The following SRRM2 variants were observed in gnomAD, a reference collection of about 807,000 sequenced individuals.
SRRM2 encodes the protein serine/arginine repetitive matrix 2, also known as serine/arginine repetitive matrix protein 2.
A neutral mutation model predicts 213.8 loss-of-function variants in SRRM2; 30 were observed. The observed-to-expected ratio is 0.14, with a 90% CI of 0.10 to 0.19. The LOEUF is 0.19. Among genes scored for constraint, SRRM2 ranks in the 10% least tolerant of loss-of-function variants. The probability of loss-of-function intolerance (pLI) is 1.00; values close to 1 mark genes in which losing one functional copy is unlikely to be tolerated. For synonymous variants in SRRM2, 2,025 were observed against 1,377.7 expected (o/e 1.47, Z -10.40); for missense variants, 4,904 against 3,647.0 (o/e 1.34, Z -8.88).
chr16:2,766,444 CAGA>C lies in SRRM2; in HGVS notation c.5918_5920del (p.Arg1973del). 6.2e-7 allele frequency: 1 copy of C among 1,613,954 alleles called. No individual in the cohort carries two copies. Among genetic ancestry groups the C allele is most frequent in the Non-Finnish European group, 8.5e-7 (1 of 1,179,980 alleles). ...CAGTAACCAGGAGGCGATCTCGAAG[CAGA>C]ACTTCGCCTATCACTCGCAGAAGAT... On this transcript the variant is annotated inframe_deletion, in exon 11 of 15. Transcript: ENST00000301740. The surrounding 1 kb of genome is among the most constrained non-coding windows in gnomAD (Gnocchi z 7.0).
chr16:2,771,008 TCC>T lies in SRRM2; in HGVS notation c.*144_*145del. On this transcript the variant is annotated 3_prime_UTR_variant, in exon 15 of 15. Transcript: ENST00000301740. ...CCTTGGATGGAGGGCTCCCTTTCCC[TCC>T]CCTTTTTTTTTTCTTTGTTCCTGTG... The T allele has an allele frequency of 1.4e-6, 1 of 734,214 alleles. No homozygotes were observed. Among genetic ancestry groups the T allele is most frequent in the Non-Finnish European group, 1.9e-6 (1 of 514,636 alleles). 45.5% of individuals were successfully genotyped at this position (734,214 alleles called of 1,614,324 possible).
rs1435333930 is a variant in SRRM2 at position 2,764,098 on chromosome 16, T to G, written c.3570T>G (p.Phe1190Leu). ...PPRQKDKFSP[F>L]PVQDRPESSL... ...GACAGAAAGACAAATTTAGTCCCTT[T>G]CCAGTACAGGATAGGCCTGAGTCTT... Residue 1190 changes from phenylalanine (F) to leucine (L), a missense_variant, in exon 11 of 15, where the codon TTT becomes TTG. Physicochemically the swap from Phe to Leu is conservative, Grantham distance 22 (BLOSUM62 0). Transcript: ENST00000301740. The G allele has an allele frequency of 1.2e-6, 2 of 1,614,136 alleles. No homozygotes were observed. Among genetic ancestry groups the G allele is most frequent in the Non-Finnish European group, 1.7e-6 (2 of 1,180,034 alleles).
chr16:2,762,065 T>G lies in SRRM2; in HGVS notation c.1537T>G (p.Trp513Gly). The G allele has an allele frequency of 6.2e-7, 1 of 1,614,190 alleles. No homozygotes were observed. Among genetic ancestry groups the G allele is most frequent in the Non-Finnish European group, 8.5e-7 (1 of 1,180,028 alleles). The change falls in exon 11 of 15, where the codon TGG (tryptophan) becomes GGG (glycine). Residue 513 changes from tryptophan to glycine, a missense_variant. Coordinates refer to ENST00000301740, the MANE Select transcript of SRRM2 (RefSeq NM_016333.4). ...TCATTCTCGATCCCGATCTCCCCAG[T>G]GGCGTAGGTCCAGGTCTGCACAGAG... ...RGHSRSRSPQ[W>G]RRSRSAQRWG...
intron 12 of SRRM2, 118 bp downstream of exon 12, chr16:2,769,402 G>A (rs752620879): frequency 3.4e-6 from 4 of 1,192,358 alleles, no homozygotes; most frequent in Non-Finnish European, 4.7e-6. Context: ...ATCTGGTTGT[G>A]GGGGAGGAGG....
At position 2,762,356 on chromosome 16, in the gene SRRM2, G is replaced by T. The variant is rs780723084; in HGVS notation, c.1828G>T (p.Ala610Ser). Residue 610 changes from alanine to serine, a missense_variant, in exon 11 of 15, where the codon GCC becomes TCC. Transcript: ENST00000301740. Reference sequence around the variant, plus strand: ...GCGTAGGTCTCGGTCTAGAACACCAGCCCGGAGGGGCAGGTCTCGGTCTAG... The same window carrying T: ...GCGTAGGTCTCGGTCTAGAACACCATCCCGGAGGGGCAGGTCTCGGTCTAG... ...TRRRSRSRTP[A>S]RRGRSRSRTP... The T allele has an allele frequency of 2.9e-5, 46 of 1,611,698 alleles. No homozygotes were observed. Among genetic ancestry groups the T allele is most frequent in the Non-Finnish European group, 3.6e-5 (43 of 1,179,098 alleles).
chr16:2,763,955 T>A lies in SRRM2; in HGVS notation c.3427T>A (p.Ser1143Thr). 1.2e-6 allele frequency: 2 copies of A among 1,614,222 alleles called. No individual in the cohort carries two copies. The highest frequency in any genetic ancestry group is 8.5e-7 in the Non-Finnish European group (1 of 1,180,038). Residue 1143 changes from serine (S) to threonine (T), a missense_variant, in exon 11 of 15, where the codon TCT becomes ACT. Coordinates refer to ENST00000301740, the MANE Select transcript of SRRM2 (RefSeq NM_016333.4). ...PEQSRFQSDS[S>T]SYPTVDSNSL... ...GCAGAGCAGGTTCCAGTCTGACTCT[T>A]CTTCATATCCTACAGTGGACTCGAA...
Position 2,766,239 on chromosome 16 carries a change from C to T in SRRM2, c.5711C>T (p.Thr1904Ile), listed in dbSNP as rs2068537963. 1.2e-6 allele frequency: 2 copies of T among 1,614,202 alleles called. No individual in the cohort carries two copies. Among genetic ancestry groups the T allele is most frequent in the Non-Finnish European group, 1.7e-6 (2 of 1,180,042 alleles). ...AGCCGGAGACGGTCAAGGTCCAGGACTTCAGTGACTCGACGAAGATCCCGG... is the reference window on the plus strand; with the variant it reads ...AGCCGGAGACGGTCAAGGTCCAGGATTTCAGTGACTCGACGAAGATCCCGG... ...PVSRRRSRSRTSVTRRRSRSR... is the reference protein window; with the variant it reads ...PVSRRRSRSRISVTRRRSRSR... Residue 1904 changes from threonine to isoleucine, a missense_variant, in exon 11 of 15, where the codon ACT (threonine) becomes ATT (isoleucine). Coordinates refer to ENST00000301740, the MANE Select transcript of SRRM2 (RefSeq NM_016333.4). This position sits in a 1 kb window ranked among gnomAD's most constrained non-coding sequence, Gnocchi z 7.0.
chr16:2,767,394 C>G lies in SRRM2; in HGVS notation c.6866C>G (p.Thr2289Ser), dbSNP rs1196595332. The change falls in exon 11 of 15, where the codon ACT becomes AGT. Residue 2289 changes from threonine (T) to serine (S), a missense_variant. Transcript: ENST00000301740. ...GCTGTGAACCTGGCTGACCCTCGCACTCCCACAGCCCCAGCTGTGAACCTA... is the reference window on the plus strand; with the variant it reads ...GCTGTGAACCTGGCTGACCCTCGCAGTCCCACAGCCCCAGCTGTGAACCTA... ...PSAVNLADPR[T>S]PTAPAVNLAG... is the part of the protein sequence containing the mutation. 3.1e-6 allele frequency: 5 copies of G among 1,613,916 alleles called. No homozygotes were observed. The highest frequency in any genetic ancestry group is 1.3e-5 in the African/African-American group (1 of 74,918).
intron 2 of SRRM2, 90 bp from the exon 3 acceptor site, chr16:2,757,381 GA>G: frequency 8.8e-7 from 1 of 1,141,666 alleles, no homozygotes; most frequent in Non-Finnish European, 1.3e-6. Flanking sequence ...CATGGAGAGG[GA>G]GGGGCCCCTT....
In SRRM2 at chr16:2,765,260, C is replaced by T. The variant is rs761939221; in HGVS notation, c.4732C>T (p.Arg1578Trp). ...AAGAACCCCACTTCGGCAGAGGAGT[C>T]GGTCTGGATCATCTCCAGAGGTTGA... ...KTRTPLRQRS[R>W]SGSSPEVDSK... is the part of the protein sequence containing the mutation. Residue 1578 changes from arginine to tryptophan, a missense_variant, in exon 11 of 15, where the codon CGG becomes TGG. Transcript: ENST00000301740. 9 of 1,614,062 alleles carry T rather than the reference C, an allele frequency of 5.6e-6. No homozygotes were observed. The highest frequency in any genetic ancestry group is 2.2e-5 in the East Asian group (1 of 44,872).
At chr16:2,760,108 A>G in intron 9 of SRRM2, 193 bp from the exon 10 acceptor site, 1 of 629,392 alleles carries the variant, frequency 1.6e-6, no homozygotes, top group Non-Finnish European at 2.8e-6. Context: ...GCTCTTTGGG[A>G]TTGTGTTGGG....
Position 2,762,957 on chromosome 16 carries a change from C to T in SRRM2, c.2429C>T (p.Thr810Met), listed in dbSNP as rs140913607. Residue 810 changes from threonine (T) to methionine (M), a missense_variant, in exon 11 of 15, where the codon ACG becomes ATG. By Grantham distance (81) the Thr-to-Met change is moderately conservative. Coordinates refer to ENST00000301740, the MANE Select transcript of SRRM2 (RefSeq NM_016333.4). ...GSSQPKAKSR[T>M]PPRRSRSSSS... is the part of the protein sequence containing the mutation. ...TCCCAACCTAAAGCTAAATCTAGAACGCCACCCAGACGCAGTCGCTCCAGT... is the reference window on the plus strand; with the variant it reads ...TCCCAACCTAAAGCTAAATCTAGAATGCCACCCAGACGCAGTCGCTCCAGT... The T allele has an allele frequency of 2.0e-5, 33 of 1,610,098 alleles. No homozygotes were observed. The highest frequency in any genetic ancestry group is 2.0e-4 in the South Asian group (18 of 90,910).
chr16:2,767,042 G>C lies in SRRM2; in HGVS notation c.6514G>C (p.Val2172Leu). ...AATACCTGACCACCAGAGAACATCT[G>C]TGCCAGAAAATCATGCTCAGTCCAG... ...PRIPDHQRTS[V>L]PENHAQSRIA... Residue 2172 changes from valine (V) to leucine (L), a missense_variant, in exon 11 of 15, where the codon GTG (valine) becomes CTG (leucine). Physicochemically the swap from Val to Leu is conservative, Grantham distance 32. Coordinates refer to ENST00000301740, the MANE Select transcript of SRRM2 (RefSeq NM_016333.4). The C allele has an allele frequency of 1.9e-6, 3 of 1,614,190 alleles. No individual in the cohort carries two copies. Among genetic ancestry groups the C allele is most frequent in the African/African-American group, 2.7e-5 (2 of 75,032 alleles).
intron 1 of SRRM2, among the ~76,000 whole-genome samples, chr16:2,754,330 G>T (rs568128185): frequency 2.7e-5 from 4 of 149,716 alleles, no homozygotes; most frequent in Non-Finnish European, 4.4e-5. Context: ...GTCTAGCTCT[G>T]TTGGCAGGCC....
rs764407787 is a variant in SRRM2 at position 2,768,162 on chromosome 16, CT to C, written c.7636del (p.Ser2546HisfsTer31). On this transcript the variant is annotated frameshift_variant, in exon 11 of 15. Coordinates refer to ENST00000301740, the MANE Select transcript of SRRM2 (RefSeq NM_016333.4). LOFTEE classifies it high-confidence loss of function. Reference sequence around the variant, plus strand: ...TCGTCGTCCTCTAGCTCCTCCTCTTCTTCATCATCGTCGTCGTCGTCCTCCT... The same window carrying C: ...TCGTCGTCCTCTAGCTCCTCCTCTTCTCATCATCGTCGTCGTCGTCCTCCT... ...SSSSSSSSSS[S>X]SSSSSSSSSS... 9.4e-5 allele frequency: 151 copies of C among 1,613,096 alleles called. No individual in the cohort carries two copies. Among genetic ancestry groups the C allele is most frequent in the Middle Eastern group, 1.6e-4 (1 of 6,080 alleles).
chr16:2,762,778 G>A lies in SRRM2; in HGVS notation c.2250G>A (p.Lys750=), dbSNP rs368277218. 46 of 1,614,128 alleles carry A rather than the reference G, an allele frequency of 2.8e-5. No homozygotes were observed. Among genetic ancestry groups the A allele is most frequent in the Non-Finnish European group, 3.6e-5 (43 of 1,180,036 alleles). Reference sequence around the variant, plus strand: ...GGTCCAATTCAAGCCCAGAAATGAAGAAATCTCGCATTTCTTCAAGGCGGA... The same window carrying A: ...GGTCCAATTCAAGCCCAGAAATGAAAAAATCTCGCATTTCTTCAAGGCGGA... ...RSRSNSSPEM[K]KSRISSRRSR... is the part of the protein sequence containing the mutation. The change falls in exon 11 of 15, where the codon AAG becomes AAA. Residue 750 remains lysine, a synonymous_variant. Transcript: ENST00000301740.
intron 1 of SRRM2, chr16:2,753,795 T>C (rs2068035806): frequency 6.6e-6 from 1 of 152,170 alleles, no homozygotes; most frequent in South Asian, 2.1e-4. Context: ...AAGCTACTAT[T>C]TTAGCTTTCT....
chr16:2,762,739 T>C lies in SRRM2; in HGVS notation c.2211T>C (p.Ser737=), dbSNP rs374871095. 1.3e-4 allele frequency: 202 copies of C among 1,613,800 alleles called. No individual in the cohort carries two copies. Among genetic ancestry groups the C allele is most frequent in the Non-Finnish European group, 1.7e-4 (200 of 1,179,990 alleles). Residue 737 remains serine, a synonymous_variant, in exon 11 of 15, where the codon TCT becomes TCC. Transcript: ENST00000301740. ...AGCGGAAAAACAAATCCAGAACATC[T>C]CAAAGAAGAAGCAGGTCCAATTCAA... is the stretch of plus-strand genomic sequence containing the variant. ...SSERKNKSRT[S]QRRSRSNSSP... is the part of the protein sequence containing the mutation.
chr16:2,769,067 A>G lies in SRRM2; in HGVS notation c.7804A>G (p.Lys2602Glu). The G allele has an allele frequency of 6.2e-7, 1 of 1,614,052 alleles. No individual in the cohort carries two copies. Among genetic ancestry groups the G allele is most frequent in the Non-Finnish European group, 8.5e-7 (1 of 1,180,024 alleles). The change falls in exon 12 of 15, where the codon AAA (lysine) becomes GAA (glutamate). Residue 2602 changes from lysine to glutamate, a missense_variant. Coordinates refer to ENST00000301740, the MANE Select transcript of SRRM2 (RefSeq NM_016333.4). ...EGRPPEPTPA[K>E]RKRRSSSSSS... The stretch of plus-strand genomic sequence containing the variant: ...ACGTCCTCCGGAGCCAACCCCAGCC[A>G]AACGGAAGAGGCGCTCTAGCAGTTC...
Sources: gnomAD v4.1 joint callset for allele counts (sites outside exome capture counted in the v4.1 genomes callset) on GRCh38, gnomAD v4.1.1 for gene constraint, Gnocchi (gnomAD v3.1) non-coding constraint, MANE v1.5 for transcripts, NCBI Gene and HGNC (gene_info 2026-07-23, HGNC 2026-07-21) for gene names.